The following PAX3 variants were observed in gnomAD, a reference collection of about 807,000 sequenced individuals.
PAX3 encodes paired box 3, also known as paired box protein Pax-3.
Under a neutral mutation model 51.6 loss-of-function variants are expected in PAX3, and 14 were observed. That is an observed-to-expected ratio of 0.27 (90% CI 0.18 to 0.42). PAX3 has a LOEUF of 0.42. Ranked by LOEUF, PAX3 falls within the 10% of genes least tolerant of loss-of-function variation. The pLI is 1.00. For missense variants in PAX3, 540 were observed against 642.8 expected (o/e 0.84, Z 1.73); for synonymous variants, 280 against 253.4 (o/e 1.11, Z -1.00).
chr2:222,293,927 A>C (rs1044458512), intron 4 of PAX3: 2 of 1,402,942 alleles, frequency 1.4e-6, no homozygotes, highest in African/African-American at 3.2e-5. Context: ...CCAGGGGCTG[A>C]AAGTGGTTAA....
At chr2:222,280,225 A>AG (rs1559305953) in intron 4 of PAX3, among the ~76,000 whole-genome samples, 2 of 149,142 alleles carry the variant, frequency 1.3e-5, no homozygotes, top group Non-Finnish European at 3.0e-5. Context: ...GAAAGAAAGA[A>AG]AGAGAGAGAG....
chr2:222,240,380 T>C (rs1264206657), intron 4 of PAX3, among the ~76,000 whole-genome samples: 1 of 152,140 alleles, frequency 6.6e-6, no homozygotes, highest in East Asian at 1.9e-4. Context: ...GAGTTTCAGG[T>C]GTGTGCAGGA....
Position 222,202,076 on chromosome 2 carries a change from T to A in PAX3, c.1288A>T (p.Ser430Cys), listed in dbSNP as rs1399603432. 6.2e-7 allele frequency: 1 copy of A among 1,613,918 alleles called. No individual in the cohort carries two copies. Among genetic ancestry groups the A allele is most frequent in the Non-Finnish European group, 8.5e-7 (1 of 1,180,000 alleles). ...CTCTTCATATGGTCTAGTCTCTGAC[T>A]GCAGCTGGCCGACACCGTGGTGGTA... is the stretch of plus-strand genomic sequence containing the variant. ...EPTTTVSASC[S>C]QRLDHMKSLD... Residue 430 changes from serine (S) to cysteine (C), a missense_variant, in exon 8 of 9, where the codon AGT (serine) becomes TGT (cysteine). Ser to Cys is a moderately radical substitution (Grantham distance 112, BLOSUM62 -1). Around this residue, in one of 3 missense-constraint regions of PAX3, gnomAD observed 427 missense variants for 483.6 expected, o/e 0.88. Transcript: ENST00000392070.
Position 222,265,691 on chromosome 2 carries a change from G to GAAGGAAGA in PAX3, c.586+28475_586+28476insTCTTCCTT, listed in dbSNP as rs1553583540. On this transcript the variant is annotated intron_variant, in intron 4 of 8. Transcript: ENST00000392070. The stretch of plus-strand genomic sequence containing the variant: ...GGAAGGAAGGAAGGAAGGAAGGAAG[G>GAAGGAAGA]GAGAAAGATTGATTTTGATTTTTCC... Among the ~76,000 whole-genome samples the GAAGGAAGA allele has an allele frequency of 7.8e-3, 1,108 of 142,132 alleles. 11 individuals carry two copies. Among genetic ancestry groups the GAAGGAAGA allele is most frequent in the Middle Eastern group, 0.029 (8 of 280 alleles). 93.2% of individuals were successfully genotyped at this position (142,132 alleles called of 152,430 possible). A position where few individuals can be genotyped will look rare whatever the true frequency, so the allele number is the denominator to read the frequency against.
At chr2:222,291,904 T>G (rs1695052862) in intron 4 of PAX3, among the ~76,000 whole-genome samples, 1 of 151,690 alleles carries the variant, frequency 6.6e-6, no homozygotes, top group South Asian at 2.1e-4. Flanking sequence ...GAGCTAGAGA[T>G]GCTGAAGAGA....
chr2:222,292,234 C>G (rs1464463570), intron 4 of PAX3, among the ~76,000 whole-genome samples: 1 of 152,136 alleles, frequency 6.6e-6, no homozygotes, highest in East Asian at 1.9e-4. Context: ...ATTGCAAGCC[C>G]ATAATGTCTA....
At chr2:222,203,012 C>CATATATATATATATATATATAT (rs71053057) in intron 7 of PAX3, among the ~76,000 whole-genome samples, 1 of 41,188 alleles carries the variant, frequency 2.4e-5, no homozygotes, top group Non-Finnish European at 5.0e-5. Flanking sequence ...ACAACCATTT[C>CATATATATATATATATATATAT]ATATATATAT....
chr2:222,211,738 C>A (rs970280030), intron 7 of PAX3, among the ~76,000 whole-genome samples: 2 of 152,142 alleles, frequency 1.3e-5, no homozygotes, highest in African/African-American at 2.4e-5. Flanking sequence ...AACAAAAGGG[C>A]TCCATAATCA....
chr2:222,215,964 G>A (rs369379842), intron 7 of PAX3, among the ~76,000 whole-genome samples: 1 of 152,254 alleles, frequency 6.6e-6, no homozygotes, highest in East Asian at 1.9e-4. Flanking sequence ...CAGAGATGGT[G>A]GAAAATTTTG....
intron 8 of PAX3, 157 bp downstream of exon 8, chr2:222,201,787 A>G (rs1574618871): frequency 1.1e-5 from 17 of 1,524,390 alleles, no homozygotes; most frequent in Non-Finnish European, 1.5e-5. Context: ...TACACAAGGA[A>G]GCCCCTGCTG....
intron 4 of PAX3, among the ~76,000 whole-genome samples, chr2:222,259,815 C>T (rs185490894): frequency 1.3e-5 from 2 of 152,074 alleles, no homozygotes; most frequent in Admixed American, 6.5e-5. Context: ...ATGAGTTTAT[C>T]ATCTTGATTC....
chr2:222,266,188 C>A (rs956920073), intron 4 of PAX3, among the ~76,000 whole-genome samples: 4 of 152,196 alleles, frequency 2.6e-5, no homozygotes, highest in African/African-American at 9.7e-5. Context: ...GGTTTCCCCT[C>A]CTCACTTAGA....
chr2:222,283,790 C>T (rs1694730984), intron 4 of PAX3, among the ~76,000 whole-genome samples: 2 of 152,268 alleles, frequency 1.3e-5, no homozygotes, highest in South Asian at 4.1e-4. Flanking sequence ...CATAAACTGG[C>T]TGTGCCCCAG....
At chr2:222,234,534 C>CT (rs1329572595) in intron 4 of PAX3, among the ~76,000 whole-genome samples, 2 of 152,116 alleles carry the variant, frequency 1.3e-5, no homozygotes, top group Non-Finnish European at 2.9e-5. Context: ...GTTTCATAAG[C>CT]TTTTGGAGCA....
chr2:222,296,906 C>G lies in PAX3; in HGVS notation c.321+72G>C, dbSNP rs983420808. The G allele has an allele frequency of 5.4e-6, 7 of 1,291,510 alleles. No individual in the cohort carries two copies. In the African/African-American group the frequency reaches 8.8e-5, roughly 16 times the overall value. 80.0% of individuals were successfully genotyped at this position (1,291,510 alleles called of 1,614,324 possible). ...GGAGAGCCCCAGATGTCAGCCGTTA[C>G]CCCCCGCCCGGTCTTCCCCAACACA... is the stretch of plus-strand genomic sequence containing the variant. On this transcript the variant is annotated intron_variant, in intron 2 of 8. Coordinates refer to ENST00000392070, the MANE Select transcript of PAX3 (RefSeq NM_181458.4).
In PAX3 at chr2:222,201,390, T is replaced by G; in HGVS notation, c.*18A>C. On this transcript the variant is annotated 3_prime_UTR_variant, in exon 9 of 9. Transcript: ENST00000392070. ...GACCAGAAACAGGGCCAGTTTTAGC[T>G]CCAAGTGGACAGTTCACTTACGCGA... is the stretch of plus-strand genomic sequence containing the variant. 1.2e-6 allele frequency: 2 copies of G among 1,613,466 alleles called. No homozygotes were observed. The highest frequency in any genetic ancestry group is 1.7e-6 in the Non-Finnish European group (2 of 1,179,972).
At chr2:222,293,888 A>C in intron 4 of PAX3, 1 of 1,600,568 alleles carries the variant, frequency 6.2e-7, no homozygotes, top group South Asian at 1.1e-5. Flanking sequence ...TGCCCCCTAC[A>C]ACAGAGCACA....
chr2:222,226,759 C>T (rs1692401120), intron 5 of PAX3, among the ~76,000 whole-genome samples: 1 of 150,224 alleles, frequency 6.7e-6, no homozygotes, highest in African/African-American at 2.4e-5. Context: ...TTTCTCAGGA[C>T]CCTTGGGAAT....
intron 4 of PAX3, among the ~76,000 whole-genome samples, chr2:222,239,277 G>A (rs147220316): frequency 4.2e-4 from 64 of 152,110 alleles, no homozygotes; most frequent in African/African-American, 1.5e-3. Flanking sequence ...CTGGCAGGGC[G>A]CAGGAGACAC....
Sources: allele counts gnomAD v4.1 joint callset (sites outside exome capture counted in the v4.1 genomes callset), GRCh38; gene constraint gnomAD v4.1.1; regional missense constraint gnomAD v4.1.1; transcripts MANE v1.5; gene names NCBI Gene and HGNC (gene_info 2026-07-23, HGNC 2026-07-21).